The following CSMD3 variants were observed in gnomAD, a reference collection of about 807,000 sequenced individuals.
CSMD3 encodes the protein CUB and Sushi multiple domains 3, also known as CUB and sushi domain-containing protein 3.
Under a neutral mutation model 435.2 loss-of-function variants are expected in CSMD3, and 177 were observed. That is an observed-to-expected ratio of 0.41 (90% CI 0.36 to 0.46). CSMD3 has a LOEUF of 0.46. Ranked by LOEUF, CSMD3 falls within the 20% of genes least tolerant of loss-of-function variation. CSMD3 has a pLI of 0.34. For missense variants in CSMD3, 4,265 were observed against 4,504.6 expected (o/e 0.95, Z 1.52); for synonymous variants, 1,656 against 1,520.5 (o/e 1.09, Z -2.07).
intron 30 of CSMD3, among the ~76,000 whole-genome samples, chr8:112,498,685 C>G (rs567870159): frequency 8.9e-4 from 136 of 152,190 alleles, no homozygotes; most frequent in Admixed American, 1.9e-3. Flanking sequence ...CTCACTTTAT[C>G]TCTACAGATT....
At chr8:112,868,733 A>C (rs2081053111) in intron 10 of CSMD3, among the ~76,000 whole-genome samples, 1 of 152,184 alleles carries the variant, frequency 6.6e-6, no homozygotes, top group Non-Finnish European at 1.5e-5. Flanking sequence ...CTAACCTGTG[A>C]CAGGGTCACC....
intron 4 of CSMD3, among the ~76,000 whole-genome samples, chr8:113,138,149 G>A (rs2091460947): frequency 6.6e-6 from 1 of 151,060 alleles, no homozygotes; most frequent in Non-Finnish European, 1.5e-5. Context: ...AACACTCAAA[G>A]GACACTCAAT....
intron 31 of CSMD3, among the ~76,000 whole-genome samples, chr8:112,475,737 G>C (rs1818980237): frequency 6.6e-6 from 1 of 152,096 alleles, no homozygotes; most frequent in African/African-American, 2.4e-5. Context: ...CCTAATATTG[G>C]TCTCCAGAAG....
intron 3 of CSMD3, among the ~76,000 whole-genome samples, chr8:113,220,874 T>C (rs2092958633): frequency 6.6e-6 from 1 of 151,416 alleles, no homozygotes; most frequent in African/African-American, 2.4e-5. Context: ...GGAACACTTA[T>C]AAGGACCAAA....
rs2093895745 is a variant in CSMD3 at position 113,314,657 on chromosome 8, A to C, written c.315T>G (p.Ile105Met). 4 of 1,611,132 alleles carry C rather than the reference A, an allele frequency of 2.5e-6. No homozygotes were observed. Among genetic ancestry groups the C allele is most frequent in the Non-Finnish European group, 3.4e-6 (4 of 1,177,628 alleles). The change falls in exon 2 of 71, where the codon ATT becomes ATG. Residue 105 changes from isoleucine to methionine, a missense_variant. Ile to Met is a conservative substitution (Grantham distance 10, BLOSUM62 1). Transcript: ENST00000297405. ...CTTCTAGAGCAAATGACTGAAAAAC[A>C]ATTTGTATTCTATTTCGTTCTTCTG... ...IIAEERNRIQ[I>M]VFQSFALEEE...
chr8:112,456,811 T>C (rs1816886011), intron 32 of CSMD3, among the ~76,000 whole-genome samples: 1 of 152,056 alleles, frequency 6.6e-6, no homozygotes. Flanking sequence ...GGGTACATGT[T>C]TTAGGTTTGA....
intron 13 of CSMD3, among the ~76,000 whole-genome samples, chr8:112,745,407 AT>A (rs1198218542): frequency 2.6e-5 from 4 of 151,926 alleles, no homozygotes; most frequent in African/African-American, 9.7e-5. Flanking sequence ...TATTTTAAGT[AT>A]TTTTTCAAAT....
chr8:113,085,593 A>C (rs1385779446), intron 5 of CSMD3, among the ~76,000 whole-genome samples: 5 of 152,316 alleles, frequency 3.3e-5, no homozygotes, highest in Middle Eastern at 3.4e-3. Context: ...AATAGTATTC[A>C]GCCATAAAAA....
At chr8:113,364,771 T>C (rs1331780042) in intron 1 of CSMD3, among the ~76,000 whole-genome samples, 2 of 152,134 alleles carry the variant, frequency 1.3e-5, no homozygotes, top group Non-Finnish European at 1.5e-5. Context: ...TTACTCATTC[T>C]GTGCTAAAAC....
intron 1 of CSMD3, among the ~76,000 whole-genome samples, chr8:113,408,066 A>G (rs954672523): frequency 2.0e-5 from 3 of 152,154 alleles, no homozygotes; most frequent in Non-Finnish European, 2.9e-5. Context: ...CAGAAAATTA[A>G]CCACCTGTCT....
intron 13 of CSMD3, among the ~76,000 whole-genome samples, chr8:112,772,448 C>A (rs538042546): frequency 6.6e-6 from 1 of 152,086 alleles, no homozygotes; most frequent in Non-Finnish European, 1.5e-5. Context: ...ATCTCAAGTA[C>A]GCAGAGACAC....
intron 17 of CSMD3, among the ~76,000 whole-genome samples, chr8:112,663,163 G>T (rs1459390571): frequency 6.6e-6 from 1 of 152,080 alleles, no homozygotes; most frequent in Non-Finnish European, 1.5e-5. Flanking sequence ...TATAAATCAT[G>T]CTGCTATAAA....
intron 22 of CSMD3, among the ~76,000 whole-genome samples, chr8:112,617,981 G>C (rs1410675439): frequency 6.6e-6 from 1 of 152,188 alleles, no homozygotes; most frequent in Admixed American, 6.6e-5. Context: ...TTGCATTCAT[G>C]TATTTACATA....
At chr8:112,645,319 T>C in intron 19 of CSMD3, 94 bp from the exon 20 acceptor site, 1 of 770,604 alleles carries the variant, frequency 1.3e-6, no homozygotes, top group Non-Finnish European at 2.4e-6. Flanking sequence ...AGCAGTCGCA[T>C]TATCTTTGCT....
chr8:112,619,488 G>T (rs1013771982), intron 22 of CSMD3, among the ~76,000 whole-genome samples: 1 of 151,760 alleles, frequency 6.6e-6, no homozygotes, highest in Non-Finnish European at 1.5e-5. Flanking sequence ...AAGATTCAAT[G>T]TTTCCTTCTC....
intron 27 of CSMD3, among the ~76,000 whole-genome samples, chr8:112,545,310 C>T (rs1444016247): frequency 2.0e-5 from 3 of 151,530 alleles, no homozygotes; most frequent in Admixed American, 2.0e-4. Flanking sequence ...GGTGAAACCC[C>T]GTCTCTACTA....
At chr8:113,060,720 C>G (rs2131364037) in intron 5 of CSMD3, among the ~76,000 whole-genome samples, 1 of 152,060 alleles carries the variant, frequency 6.6e-6, no homozygotes. Flanking sequence ...GCCAAAAAAG[C>G]AAAGGGGTTG....
intron 31 of CSMD3, among the ~76,000 whole-genome samples, chr8:112,474,720 A>G (rs1263148274): frequency 6.6e-6 from 1 of 152,142 alleles, no homozygotes; most frequent in Non-Finnish European, 1.5e-5. Context: ...AAAAGTAAAA[A>G]TTTGTAATTA....
chr8:113,368,437 G>GTA (rs1191095805), intron 1 of CSMD3, among the ~76,000 whole-genome samples: 1 of 152,082 alleles, frequency 6.6e-6, no homozygotes, highest in Non-Finnish European at 1.5e-5. Context: ...ATATTACAAT[G>GTA]TATATCTCTA....
Sources: allele counts gnomAD v4.1 joint callset (sites outside exome capture counted in the v4.1 genomes callset), GRCh38; gene constraint gnomAD v4.1.1; transcripts MANE v1.5; gene names NCBI Gene and HGNC (gene_info 2026-07-23, HGNC 2026-07-21).